The following SLC44A5 variants were observed in gnomAD, a reference collection of about 807,000 sequenced individuals.
The protein encoded by SLC44A5 is solute carrier family 44 member 5.
A neutral mutation model predicts 101.8 loss-of-function variants in SLC44A5; 57 were observed. The observed-to-expected ratio is 0.56, with a 90% CI of 0.45 to 0.70. SLC44A5 has a LOEUF of 0.70. Among genes scored for constraint, SLC44A5 ranks in the 30% least tolerant of loss-of-function variants. SLC44A5 has a pLI of 0.00. For synonymous variants in SLC44A5, 281 were observed against 290.9 expected, an observed-to-expected ratio of 0.97 and a Z score of 0.35; for missense variants, 737 against 853.1, an observed-to-expected ratio of 0.86 and a Z score of 1.70.
chr1:75,477,724 C>A (rs1486980862), intron 2 of SLC44A5, among the ~76,000 whole-genome samples: 4 of 152,252 alleles, frequency 2.6e-5, no homozygotes, highest in South Asian at 2.1e-4. Flanking sequence ...AAGAAACGAA[C>A]AAAGCCTCCA....
chr1:75,426,907 G>A (rs1041044976), intron 2 of SLC44A5, among the ~76,000 whole-genome samples: 3 of 152,212 alleles, frequency 2.0e-5, no homozygotes, highest in Non-Finnish European at 2.9e-5. Flanking sequence ...AAGCTGCAGC[G>A]TCCATCTTTC....
the SLC44A5 span, among the ~76,000 whole-genome samples, chr1:75,631,081 T>C: frequency 2.6e-5 from 4 of 152,198 alleles, no homozygotes; most frequent in Non-Finnish European, 5.9e-5. Flanking sequence ...CAGAGGCTGG[T>C]ACTTAAGGTG....
chr1:75,222,521 C>T, intron 13 of SLC44A5, 61 bp from the exon 14 acceptor site: 1 of 957,748 alleles, frequency 1.0e-6, no homozygotes, highest in Non-Finnish European at 1.7e-6. Flanking sequence ...CAAACCTTCC[C>T]TGCAAATGCT....
chr1:75,509,553 C>T (rs1669452746), intron 2 of SLC44A5, among the ~76,000 whole-genome samples: 1 of 152,002 alleles, frequency 6.6e-6, no homozygotes, highest in Admixed American at 6.6e-5. Context: ...GGAAAAGATA[C>T]CCAGTAATTT....
At chr1:75,481,408 T>A (rs1047098602) in intron 2 of SLC44A5, among the ~76,000 whole-genome samples, 2 of 152,090 alleles carry the variant, frequency 1.3e-5, no homozygotes, top group Non-Finnish European at 2.9e-5. Flanking sequence ...ACAAATGGGA[T>A]CTAGTTAAAC....
intron 13 of SLC44A5, among the ~76,000 whole-genome samples, chr1:75,225,704 G>T (rs1647181302): frequency 6.6e-6 from 1 of 152,070 alleles, no homozygotes; most frequent in African/African-American, 2.4e-5. Context: ...TTTGTTTTTG[G>T]TACCTAGAAT....
intron 7 of SLC44A5, among the ~76,000 whole-genome samples, 155 bp downstream of exon 7, chr1:75,251,055 A>G (rs1385249603): frequency 1.3e-5 from 2 of 152,212 alleles, no homozygotes; most frequent in Admixed American, 6.5e-5. Flanking sequence ...ATAAACAAAT[A>G]TAAGCTCATA....
chr1:75,704,347 A>T, the SLC44A5 span, among the ~76,000 whole-genome samples: 10 of 152,034 alleles, frequency 6.6e-5, no homozygotes, highest in Non-Finnish European at 1.5e-4. Flanking sequence ...AGCTCGGCAG[A>T]ACATGATGGC....
intron 1 of SLC44A5, among the ~76,000 whole-genome samples, chr1:75,604,804 T>C (rs1158722701): frequency 6.6e-6 from 1 of 151,820 alleles, no homozygotes; most frequent in African/African-American, 2.4e-5. Flanking sequence ...ATGTTCTTCA[T>C]TTGGCTCTCA....
At position 75,368,343 on chromosome 1, in the gene SLC44A5, G is replaced by T. The variant is rs116645867; in HGVS notation, c.52+28240C>A. Among the ~76,000 whole-genome samples, 964 of 152,284 alleles carry T rather than the reference G, an allele frequency of 6.3e-3. 9 individuals carry two copies. Among genetic ancestry groups the T allele is most frequent in the African/African-American group, 0.022 (916 of 41,554 alleles). On this transcript the variant is annotated intron_variant, in intron 3 of 23. Coordinates refer to ENST00000370859, the MANE Select transcript of SLC44A5 (RefSeq NM_001130058.2). ...AAATCCACAGACGCTTAAGTCTGCAGTTGACTCTGCAAAACGCATGAATAC... is the reference window on the plus strand; with the variant it reads ...AAATCCACAGACGCTTAAGTCTGCATTTGACTCTGCAAAACGCATGAATAC...
At chr1:75,446,255 C>T (rs1185569310) in intron 2 of SLC44A5, among the ~76,000 whole-genome samples, 4 of 152,244 alleles carry the variant, frequency 2.6e-5, no homozygotes, top group East Asian at 1.9e-4. Flanking sequence ...GTGATCTACC[C>T]GGCCCTACAT....
chr1:75,575,075 A>G (rs2102049914), intron 1 of SLC44A5, among the ~76,000 whole-genome samples: 1 of 152,282 alleles, frequency 6.6e-6, no homozygotes, highest in South Asian at 2.1e-4. Flanking sequence ...ACTAAAGTTG[A>G]GTCAAGCAGA....
intron 1 of SLC44A5, among the ~76,000 whole-genome samples, chr1:75,576,320 T>C (rs1158580351): frequency 1.3e-5 from 2 of 152,014 alleles, no homozygotes; most frequent in African/African-American, 4.8e-5. Context: ...CTTTTTTTTT[T>C]TCTTTGCTTT....
At chr1:75,716,754 G>A in the SLC44A5 span, among the ~76,000 whole-genome samples, 288 of 152,226 alleles carry the variant, frequency 1.9e-3, no homozygotes, top group African/African-American at 6.6e-3. Flanking sequence ...TATGGTGGCC[G>A]GGCATGCTGG....
intron 1 of SLC44A5, among the ~76,000 whole-genome samples, chr1:75,548,179 A>G (rs1427310964): frequency 6.6e-6 from 1 of 152,086 alleles, no homozygotes; most frequent in East Asian, 1.9e-4. Context: ...CATTTTTATT[A>G]TGTTTCATTA....
chr1:75,431,634 T>C (rs1177062905), intron 2 of SLC44A5, among the ~76,000 whole-genome samples: 8 of 152,188 alleles, frequency 5.3e-5, no homozygotes, highest in Non-Finnish European at 8.8e-5. Context: ...TTGTTTTTTA[T>C]TGGAGAGCTG....
chr1:75,586,376 T>C (rs1673992828), intron 1 of SLC44A5, among the ~76,000 whole-genome samples: 1 of 151,314 alleles, frequency 6.6e-6, no homozygotes, highest in Non-Finnish European at 1.5e-5. Context: ...TATATGTGTG[T>C]GTGTGTGTGT....
At position 75,339,667 on chromosome 1, in the gene SLC44A5, CA is replaced by C. The variant is rs750052973; in HGVS notation, c.53-38del. On this transcript the variant is annotated intron_variant, in intron 3 of 23. Transcript: ENST00000370859. ...ACAAAGACATTTTAAGCATATAAGC[CA>C]GCAAATAAATTAATATAAAATATTA... 1.9e-6 allele frequency: 3 copies of C among 1,547,370 alleles called. No homozygotes were observed. In the Admixed American group the frequency reaches 5.4e-5, roughly 28 times the overall value.
the SLC44A5 span, among the ~76,000 whole-genome samples, chr1:75,660,287 T>G: frequency 2.0e-5 from 3 of 152,192 alleles, no homozygotes; most frequent in Non-Finnish European, 4.4e-5. Context: ...CAGTATCTTT[T>G]CATGATGAAA....
Sources: allele counts gnomAD v4.1 joint callset (sites outside exome capture counted in the v4.1 genomes callset), GRCh38; gene constraint gnomAD v4.1.1; transcripts MANE v1.5; gene names NCBI Gene and HGNC (gene_info 2026-07-23, HGNC 2026-07-21).